Variants in FAN1 observed in about 807,000 individuals in gnomAD.
FAN1 encodes the protein fanconi-associated nuclease 1.
A neutral mutation model predicts 104.9 loss-of-function variants in FAN1; 91 were observed. That is an observed-to-expected ratio of 0.87 (90% CI 0.73 to 1.03). The LOEUF is 1.03. Among genes scored for constraint, FAN1 ranks in the 50% least tolerant of loss-of-function variants. The pLI is 0.00. For missense variants in FAN1, 1,263 were observed against 1,239.9 expected, an observed-to-expected ratio of 1.02 and a Z score of -0.28; for synonymous variants, 478 against 457.6, an observed-to-expected ratio of 1.04 and a Z score of -0.57.
chr15:30,936,045 C>T (rs1261523616), intron 13 of FAN1, among the ~76,000 whole-genome samples: 1 of 151,886 alleles, frequency 6.6e-6, no homozygotes, highest in Non-Finnish European at 1.5e-5. Context: ...CCTTTGGGGA[C>T]TCTAATTAAA....
At position 30,942,137 on chromosome 15, in the gene FAN1, G is replaced by A; in HGVS notation, c.*575G>A. 1 of 1,511,554 alleles carries A rather than the reference G, an allele frequency of 6.6e-7. No homozygotes were observed. The allele number at this position is 1,511,554 out of a possible 1,614,324, so 93.6% of individuals were successfully genotyped here. ...TTTTAGAAAGATTGAAGGATGCAAT[G>A]GCAAATATAAACTCAATACTATGAA... is the stretch of plus-strand genomic sequence containing the variant. On this transcript the variant is annotated 3_prime_UTR_variant, in exon 15 of 15. Transcript: ENST00000362065.
At position 30,925,216 on chromosome 15, in the gene FAN1, AGAGTCTCC is replaced by A; in HGVS notation, c.2266_2273del (p.Ser756LeufsTer2). On this transcript the variant is annotated frameshift_variant, in exon 9 of 15. Coordinates refer to ENST00000362065, the MANE Select transcript of FAN1 (RefSeq NM_014967.5). LOFTEE classifies it high-confidence loss of function. ...TGTATCAGCGAGCCGTGCGCCTGCG[AGAGTCTCC>A]GAGCTGTAAAAAGTTCAAGCACCTC... 1 of 1,614,084 alleles carries A rather than the reference AGAGTCTCC, an allele frequency of 6.2e-7. No homozygotes were observed. Among genetic ancestry groups the A allele is most frequent in the Non-Finnish European group, 8.5e-7 (1 of 1,180,008 alleles).
intron 14 of FAN1, among the ~76,000 whole-genome samples, 179 bp downstream of exon 14, chr15:30,937,438 G>C (rs2062888357): frequency 6.8e-6 from 1 of 147,304 alleles, no homozygotes; most frequent in Non-Finnish European, 1.5e-5. Context: ...CCACACAGTG[G>C]GTAATAAACT....
intron 6 of FAN1, among the ~76,000 whole-genome samples, chr15:30,919,249 G>T (rs943033450): frequency 6.6e-6 from 1 of 151,606 alleles, no homozygotes; most frequent in Non-Finnish European, 1.5e-5. Flanking sequence ...GCCTGGTGGT[G>T]CCTGCCTGTA....
chr15:30,916,504 G>A (rs900380718), intron 5 of FAN1, among the ~76,000 whole-genome samples: 1 of 152,154 alleles, frequency 6.6e-6, no homozygotes, highest in Non-Finnish European at 1.5e-5. Context: ...TAAGTGTGCT[G>A]TAAATAATAA....
At chr15:30,940,202 G>A (rs757456864) in intron 14 of FAN1, 19 of 985,234 alleles carry the variant, frequency 1.9e-5, no homozygotes, top group Admixed American at 1.2e-4. Flanking sequence ...GTGGTGCCCC[G>A]TTTCACTGCT....
intron 13 of FAN1, among the ~76,000 whole-genome samples, chr15:30,932,760 C>G (rs949304483): frequency 2.0e-5 from 3 of 146,380 alleles, no homozygotes; most frequent in African/African-American, 7.6e-5. Flanking sequence ...GTCGCCCAGA[C>G]TGGAGTGTAG....
At chr15:30,925,711 C>T (rs1384796538) in intron 9 of FAN1, 78 bp from the exon 10 acceptor site, 2 of 1,520,434 alleles carry the variant, frequency 1.3e-6, no homozygotes, top group Non-Finnish European at 1.8e-6. Context: ...GGAGGTCAAT[C>T]CTCACGATGC....
At chr15:30,932,576 A>G (rs1224342843) in intron 13 of FAN1, among the ~76,000 whole-genome samples, 1 of 152,120 alleles carries the variant, frequency 6.6e-6, no homozygotes, top group African/African-American at 2.4e-5. Context: ...AAAGCTATAA[A>G]TTAAATTTAT....
In FAN1 at chr15:30,906,606, C is replaced by T. The variant is rs1488567454; in HGVS notation, c.1234+709C>T. The T allele has an allele frequency of 7.5e-5, 33 of 441,060 alleles. 1 individual carries two copies. The Admixed American group carries it at 7.9e-4, about 11-fold the overall frequency. The allele number at this position is 441,060 out of a possible 1,614,324, so 27.3% of individuals were successfully genotyped here. ...TGAGGGCAGGAAAAAACATGGTAGT[C>T]ACACTGTCGTTTAGTAAAATGCGGC... On this transcript the variant is annotated intron_variant, in intron 2 of 14. Transcript: ENST00000362065.
intron 3 of FAN1, among the ~76,000 whole-genome samples, chr15:30,910,054 A>G (rs1034430134): frequency 6.6e-6 from 1 of 152,238 alleles, no homozygotes; most frequent in Non-Finnish European, 1.5e-5. Context: ...TGTACACCCA[A>G]TAAATATTTG....
rs746966589 is a variant in FAN1, at chr15:30,904,566, G to A, written c.-98G>A. 1.7e-6 allele frequency: 2 copies of A among 1,198,020 alleles called. No individual in the cohort carries two copies. The highest frequency in any genetic ancestry group is 2.4e-5 in the South Asian group (2 of 82,230). 74.2% of individuals were successfully genotyped at this position (1,198,020 alleles called of 1,614,324 possible). ...GAGGTCATATAGAATCCCACTTTTGGTGATTTCAAGTCAAGAAAGTAAAAG... is the reference window on the plus strand; with the variant it reads ...GAGGTCATATAGAATCCCACTTTTGATGATTTCAAGTCAAGAAAGTAAAAG... On this transcript the variant is annotated 5_prime_UTR_variant, in exon 2 of 15. In the 5' UTR this introduces an upstream ATG that the reference lacks. Coordinates refer to ENST00000362065, the MANE Select transcript of FAN1 (RefSeq NM_014967.5).
rs554778021 is a variant in FAN1 at position 30,935,319 on chromosome 15, AAAAAAG to A, written c.2917-1788_2917-1783del. Among the ~76,000 whole-genome samples, 603 of 151,996 alleles carry A rather than the reference AAAAAAG, an allele frequency of 4.0e-3. 4 individuals carry two copies. The highest frequency in any genetic ancestry group is 0.012 in the South Asian group (57 of 4,822). ...TGAGACCTTGTCTCAAAAAAAAAGAAAAAAAGAAAAAGAAAAAATTTCCATGTCTAG... is the reference window on the plus strand; with the variant it reads ...TGAGACCTTGTCTCAAAAAAAAAGAAAAAAAGAAAAAATTTCCATGTCTAG... On this transcript the variant is annotated intron_variant, in intron 13 of 14. Transcript: ENST00000362065.
Position 30,905,337 on chromosome 15 carries a change from G to A in FAN1, c.674G>A (p.Cys225Tyr). 6.2e-7 allele frequency: 1 copy of A among 1,613,702 alleles called. No individual in the cohort carries two copies. The highest frequency in any genetic ancestry group is 8.5e-7 in the Non-Finnish European group (1 of 1,179,702). ...VFKCDSLKEE[C>Y]IPEHMVRGSK... ...AAATGTGATTCTCTAAAGGAAGAGT[G>A]CATTCCTGAACATATGGTAAGAGGA... Residue 225 changes from cysteine (C) to tyrosine (Y), a missense_variant, in exon 2 of 15, where the codon TGC becomes TAC. This residue lies in a region of FAN1 where 682 missense variants were observed against 571.1 expected (regional missense o/e 1.19). Coordinates refer to ENST00000362065, the MANE Select transcript of FAN1 (RefSeq NM_014967.5).
rs750326722 is a variant in FAN1 at position 30,925,772 on chromosome 15, T to C, written c.2338-17T>C. The stretch of plus-strand genomic sequence containing the variant: ...GCTGACCTGAGGCTAATAGATGTTA[T>C]TCTGCTGCTGTTTCAGGTGACCATC... On this transcript the variant is annotated splice_polypyrimidine_tract_variant and intron_variant, in intron 9 of 14. Transcript: ENST00000362065. 2 of 1,613,786 alleles carry C rather than the reference T, an allele frequency of 1.2e-6. No individual in the cohort carries two copies. The highest frequency in any genetic ancestry group is 4.5e-5 in the East Asian group (2 of 44,884).
chr15:30,942,081 A>G lies in FAN1; in HGVS notation c.*519A>G. On this transcript the variant is annotated 3_prime_UTR_variant, in exon 15 of 15. Coordinates refer to ENST00000362065, the MANE Select transcript of FAN1 (RefSeq NM_014967.5). ...GTGGAGCTGTAGCTTTTCTATACAG[A>G]AGAGATTTTATTATGTTCCGGGGAT... is the stretch of plus-strand genomic sequence containing the variant. 5 of 1,606,840 alleles carry G rather than the reference A, an allele frequency of 3.1e-6. No individual in the cohort carries two copies. Among genetic ancestry groups the G allele is most frequent in the Non-Finnish European group, 4.3e-6 (5 of 1,175,482 alleles).
At chr15:30,914,311 A>G (rs947413411) in intron 5 of FAN1, among the ~76,000 whole-genome samples, 2 of 85,826 alleles carry the variant, frequency 2.3e-5, no homozygotes, top group African/African-American at 4.7e-5. Flanking sequence ...TTTGAGTTAG[A>G]ACTACAAAAA....
chr15:30,928,362 A>G (rs1043113748), intron 10 of FAN1, 191 bp from the exon 11 acceptor site: 5 of 1,398,852 alleles, frequency 3.6e-6, no homozygotes, highest in Non-Finnish European at 4.6e-6. Flanking sequence ...GGCTCTGTAT[A>G]TAAACAACAT....
At chr15:30,941,067 A>T in intron 14 of FAN1, 1 of 1,199,742 alleles carries the variant, frequency 8.3e-7, no homozygotes, top group Non-Finnish European at 1.1e-6. Flanking sequence ...AACCTGCTGG[A>T]GGTTTTATCA....
Sources: gnomAD v4.1 joint callset for allele counts (sites outside exome capture counted in the v4.1 genomes callset) on GRCh38, gnomAD v4.1.1 for gene constraint, gnomAD v4.1.1 regional missense constraint, MANE v1.5 for transcripts, NCBI Gene and HGNC (gene_info 2026-07-23, HGNC 2026-07-21) for gene names.